Variants in NAV2 observed in about 807,000 individuals in gnomAD.
NAV2 encodes helicase, APC down-regulated 1.
A neutral mutation model predicts 223.2 loss-of-function variants in NAV2; 54 were observed. The ratio of observed to expected loss-of-function variants is 0.24; its 90% CI spans 0.19 to 0.30. NAV2 has a LOEUF of 0.30. Ranked by LOEUF, NAV2 falls within the 10% of genes least tolerant of loss-of-function variation. The pLI, the probability that NAV2 is intolerant of heterozygous loss-of-function variation, is 1.00. For missense variants in NAV2, 2,806 were observed against 3,147.5 expected (o/e 0.89, Z 2.60); for synonymous variants, 1,279 against 1,239.3 (o/e 1.03, Z -0.67).
At chr11:19,664,347 C>A (rs914409549) in intron 1 of NAV2, among the ~76,000 whole-genome samples, 4 of 152,154 alleles carry the variant, frequency 2.6e-5, no homozygotes, top group East Asian at 1.9e-4. Flanking sequence ...TTTGCAGATG[C>A]CAGACTGAAG....
At chr11:20,020,296 A>G (rs2054388121) in intron 11 of NAV2, among the ~76,000 whole-genome samples, 2 of 152,212 alleles carry the variant, frequency 1.3e-5, no homozygotes, top group African/African-American at 4.8e-5. Flanking sequence ...AGTAACCTGG[A>G]AACCTTAACA....
At chr11:19,383,466 GCAGT>G (rs1848920491) in intron 1 of NAV2, among the ~76,000 whole-genome samples, 1 of 152,182 alleles carries the variant, frequency 6.6e-6, no homozygotes, top group Admixed American at 6.5e-5. Flanking sequence ...CATTGTTATA[GCAGT>G]CAGTTTCTCC....
At chr11:20,054,050 T>G (rs760482005) in intron 17 of NAV2, 30 bp from the exon 18 acceptor site, 6 of 1,609,264 alleles carry the variant, frequency 3.7e-6, no homozygotes, top group Non-Finnish European at 5.1e-6. Context: ...TTGTTCATAG[T>G]TAATTCCGGC....
intron 1 of NAV2, among the ~76,000 whole-genome samples, chr11:19,557,063 C>T (rs1224532322): frequency 6.6e-6 from 1 of 151,992 alleles, no homozygotes; most frequent in African/African-American, 2.4e-5. Context: ...TGTAAAATAA[C>T]CAAGGAATTT....
intron 4 of NAV2, among the ~76,000 whole-genome samples, chr11:19,878,599 G>A (rs1312740164): frequency 6.6e-6 from 1 of 152,198 alleles, no homozygotes; most frequent in African/African-American, 2.4e-5. Context: ...CCAAAGTAGG[G>A]TGTGAAGGCT....
At chr11:19,805,953 T>C (rs2058535488) in intron 1 of NAV2, among the ~76,000 whole-genome samples, 1 of 152,236 alleles carries the variant, frequency 6.6e-6, no homozygotes, top group Non-Finnish European at 1.5e-5. Context: ...ATAATTTCCA[T>C]GAAACCATGC....
intron 1 of NAV2, among the ~76,000 whole-genome samples, chr11:19,814,356 G>T (rs2058983799): frequency 6.6e-6 from 1 of 152,148 alleles, no homozygotes; most frequent in Non-Finnish European, 1.5e-5. Context: ...GAGACCCATG[G>T]ATGTCCCGGG....
At chr11:19,358,390 G>A (rs1334731122) in intron 1 of NAV2, among the ~76,000 whole-genome samples, 1 of 152,126 alleles carries the variant, frequency 6.6e-6, no homozygotes, top group African/African-American at 2.4e-5. Context: ...GGGAATTGGA[G>A]GTCATTTGGG....
At chr11:19,748,903 C>A (rs946893316) in intron 1 of NAV2, among the ~76,000 whole-genome samples, 1 of 152,164 alleles carries the variant, frequency 6.6e-6, no homozygotes, top group Non-Finnish European at 1.5e-5. Flanking sequence ...TATTGACAGG[C>A]AGAGATAGGG....
intron 1 of NAV2, among the ~76,000 whole-genome samples, chr11:19,390,398 C>T (rs528458156): frequency 6.6e-5 from 10 of 152,270 alleles, no homozygotes; most frequent in Admixed American, 2.6e-4. Context: ...ATCCTGCTTC[C>T]CTGCCAGAAA....
chr11:19,730,300 G>A (rs1054954158), intron 1 of NAV2, among the ~76,000 whole-genome samples: 12 of 152,286 alleles, frequency 7.9e-5, no homozygotes, highest in Admixed American at 3.9e-4. Flanking sequence ...CTTCAGTAAC[G>A]TTGTGCTGCT....
At chr11:19,522,497 G>A (rs78340282) in intron 1 of NAV2, among the ~76,000 whole-genome samples, 4 of 152,108 alleles carry the variant, frequency 2.6e-5, no homozygotes, top group African/African-American at 4.8e-5. Flanking sequence ...CAGTGACCCC[G>A]CCTTCTTCCC....
intron 1 of NAV2, among the ~76,000 whole-genome samples, chr11:19,736,126 C>T (rs1388042168): frequency 6.6e-6 from 1 of 152,116 alleles, no homozygotes; most frequent in South Asian, 2.1e-4. Flanking sequence ...TTATAGTATG[C>T]AGCAGTGACC....
At chr11:20,070,428 G>A (rs1463979559) in intron 22 of NAV2, among the ~76,000 whole-genome samples, 1 of 152,168 alleles carries the variant, frequency 6.6e-6, no homozygotes, top group African/African-American at 2.4e-5. Context: ...TTGTTCCAGT[G>A]ACCTCGTGCT....
chr11:19,912,726 C>T (rs2043419606), intron 6 of NAV2, among the ~76,000 whole-genome samples: 1 of 152,220 alleles, frequency 6.6e-6, no homozygotes, highest in Non-Finnish European at 1.5e-5. Flanking sequence ...TTTCTCTTTA[C>T]ACCCAGCTAA....
At chr11:19,757,681 T>C (rs1260861406) in intron 1 of NAV2, among the ~76,000 whole-genome samples, 2 of 152,190 alleles carry the variant, frequency 1.3e-5, no homozygotes, top group African/African-American at 4.8e-5. Flanking sequence ...AATAGCCCTG[T>C]ATCTGGTGCA....
intron 1 of NAV2, among the ~76,000 whole-genome samples, chr11:19,678,254 C>A (rs1228124944): frequency 6.6e-6 from 1 of 152,162 alleles, no homozygotes; most frequent in Non-Finnish European, 1.5e-5. Context: ...TAGGATTGAA[C>A]CTTCACAACA....
chr11:19,523,104 A>G (rs1204686313), intron 1 of NAV2, among the ~76,000 whole-genome samples: 2 of 152,220 alleles, frequency 1.3e-5, no homozygotes, highest in Non-Finnish European at 2.9e-5. Context: ...TGCAGCCAGG[A>G]GAGGGTACCT....
intron 1 of NAV2, among the ~76,000 whole-genome samples, chr11:19,383,809 A>G (rs2702697): frequency 0.073 from 11,159 of 152,284 alleles, 792 homozygotes; most frequent in African/African-American, 0.18. Context: ...TTTCCTTTCA[A>G]TGAGAGAGTA....
Sources: allele counts gnomAD v4.1 joint callset (sites outside exome capture counted in the v4.1 genomes callset), GRCh38; gene constraint gnomAD v4.1.1; transcripts MANE v1.5; gene names NCBI Gene and HGNC (gene_info 2026-07-23, HGNC 2026-07-21).